Variants in ROBO1 observed in about 807,000 individuals in gnomAD.
The protein encoded by ROBO1 is roundabout homolog 1.
A neutral mutation model predicts 195.9 loss-of-function variants in ROBO1; 149 were observed. The ratio of observed to expected loss-of-function variants is 0.76; its 90% CI spans 0.67 to 0.87. ROBO1 has a LOEUF of 0.87. ROBO1 is among the 40% of genes least tolerant of loss of function. The pLI is 0.00. For synonymous variants in ROBO1, 816 were observed against 733.2 expected, an observed-to-expected ratio of 1.11 and a Z score of -1.82; for missense variants, 1,933 against 2,068.3, an observed-to-expected ratio of 0.93 and a Z score of 1.27.
At position 79,001,095 on chromosome 3, in the gene ROBO1, G is replaced by C. The variant is rs901484082; in HGVS notation, c.173-62168C>G. On this transcript the variant is annotated intron_variant, in intron 3 of 30. Coordinates refer to ENST00000464233, the MANE Select transcript of ROBO1 (RefSeq NM_002941.4). ...ATGAGAACACATGGACACAGGAAGG[G>C]GAACATCACACACCGGGGCCTGTCA... is the stretch of plus-strand genomic sequence containing the variant. Among the ~76,000 whole-genome samples the C allele has an allele frequency of 3.1e-4, 47 of 151,930 alleles. 1 individual carries two copies. The highest frequency in any genetic ancestry group is 1.1e-3 in the African/African-American group (46 of 41,374).
At chr3:79,648,119 C>A (rs1054516019) in intron 1 of ROBO1, among the ~76,000 whole-genome samples, 1 of 151,914 alleles carries the variant, frequency 6.6e-6, no homozygotes, top group African/African-American at 2.4e-5. Context: ...ACTGAGATAC[C>A]CATACATTAT....
chr3:79,465,709 T>A (rs558387636), intron 2 of ROBO1, among the ~76,000 whole-genome samples: 10 of 152,252 alleles, frequency 6.6e-5, no homozygotes, highest in East Asian at 1.9e-4. Context: ...GGTCTTTTTT[T>A]AAAATTATTT....
Position 78,650,384 on chromosome 3 carries a change from T to C in ROBO1, c.2812+1348A>G, listed in dbSNP as rs1025806226. Among the ~76,000 whole-genome samples, 5 of 152,130 alleles carry C rather than the reference T, an allele frequency of 3.3e-5. No homozygotes were observed. In the East Asian group the frequency reaches 5.8e-4, roughly 18 times the overall value. ...GGATGATAATGCTAAAGCAAATGCATGTACATGAAGAGATTGCTGCTGAGC... is the reference window on the plus strand; with the variant it reads ...GGATGATAATGCTAAAGCAAATGCACGTACATGAAGAGATTGCTGCTGAGC... On this transcript the variant is annotated intron_variant, in intron 19 of 30. Transcript: ENST00000464233.
chr3:79,125,087 G>T (rs1329609159), intron 3 of ROBO1, among the ~76,000 whole-genome samples: 2 of 150,338 alleles, frequency 1.3e-5, no homozygotes, highest in African/African-American at 2.4e-5. Context: ...AGATAAATTT[G>T]AATCCAAATT....
chr3:79,408,147 G>A (rs916148575), intron 2 of ROBO1, among the ~76,000 whole-genome samples: 2 of 151,920 alleles, frequency 1.3e-5, no homozygotes, highest in Non-Finnish European at 1.5e-5. Flanking sequence ...GAACCCACGA[G>A]GCCGAGGTTG....
intron 1 of ROBO1, among the ~76,000 whole-genome samples, chr3:79,695,574 G>T (rs939005947): frequency 6.6e-6 from 1 of 151,208 alleles, no homozygotes; most frequent in Non-Finnish European, 1.5e-5. Flanking sequence ...ACTTAAAACC[G>T]AGAACAGAAT....
At chr3:79,676,310 C>T (rs562886416) in intron 1 of ROBO1, among the ~76,000 whole-genome samples, 2 of 152,006 alleles carry the variant, frequency 1.3e-5, no homozygotes, top group Non-Finnish European at 2.9e-5. Flanking sequence ...TTATCTGTCG[C>T]TATGTGCCAC....
chr3:79,309,606 A>G (rs907345762), intron 2 of ROBO1, among the ~76,000 whole-genome samples: 2 of 152,098 alleles, frequency 1.3e-5, no homozygotes, highest in Non-Finnish European at 2.9e-5. Context: ...ACCTGGTCTC[A>G]ATAAAAATAA....
intron 2 of ROBO1, among the ~76,000 whole-genome samples, chr3:79,383,472 G>A (rs1413725062): frequency 3.9e-5 from 6 of 151,984 alleles, no homozygotes; most frequent in African/African-American, 1.2e-4. Context: ...AAATGGACCT[G>A]GAGGTGCAAT....
chr3:79,024,004 C>T (rs1476296436), intron 3 of ROBO1, among the ~76,000 whole-genome samples: 2 of 152,050 alleles, frequency 1.3e-5, no homozygotes, highest in African/African-American at 2.4e-5. Flanking sequence ...GCCACCGCGC[C>T]TGGCCAGGGC....
At chr3:79,350,496 A>T (rs2035299662) in intron 2 of ROBO1, among the ~76,000 whole-genome samples, 1 of 152,252 alleles carries the variant, frequency 6.6e-6, no homozygotes. Flanking sequence ...CAAATGTTCA[A>T]AGTAGCTATA....
At chr3:78,686,479 C>T (rs1254748721) in intron 9 of ROBO1, among the ~76,000 whole-genome samples, 10 of 151,160 alleles carry the variant, frequency 6.6e-5, no homozygotes, top group Admixed American at 2.6e-4. Context: ...GGCGTGAACC[C>T]GGGAGGCGGA....
chr3:79,646,072 A>C (rs143829748), intron 1 of ROBO1, among the ~76,000 whole-genome samples: 1 of 152,134 alleles, frequency 6.6e-6, no homozygotes, highest in Admixed American at 6.6e-5. Flanking sequence ...AAGCAAAGAT[A>C]CACGAATGGC....
At chr3:79,188,789 G>A (rs539503657) in intron 2 of ROBO1, among the ~76,000 whole-genome samples, 1 of 151,792 alleles carries the variant, frequency 6.6e-6, no homozygotes, top group South Asian at 2.1e-4. Context: ...CGTCCATAGT[G>A]GTTTACTCAC....
chr3:79,033,200 G>C (rs2078326131), intron 3 of ROBO1, among the ~76,000 whole-genome samples: 1 of 151,946 alleles, frequency 6.6e-6, no homozygotes, highest in East Asian at 1.9e-4. Flanking sequence ...AATTGTCCAG[G>C]AATTCTGGGG....
intron 2 of ROBO1, among the ~76,000 whole-genome samples, chr3:79,313,359 C>T (rs539195195): frequency 6.6e-6 from 1 of 152,256 alleles, no homozygotes; most frequent in Non-Finnish European, 1.5e-5. Flanking sequence ...AAGCCCCATC[C>T]TATTTCAAAA....
At chr3:78,858,813 C>T (rs184313473) in intron 4 of ROBO1, among the ~76,000 whole-genome samples, 26 of 141,204 alleles carry the variant, frequency 1.8e-4, no homozygotes, top group Admixed American at 7.8e-4. Context: ...AAATAGAAAG[C>T]GGGAGCCTGA....
rs529486367 is a variant in ROBO1, at chr3:79,222,252, T to C, written c.89-96713A>G. Among the ~76,000 whole-genome samples, 4 of 152,226 alleles carry C rather than the reference T, an allele frequency of 2.6e-5. No homozygotes were observed. The South Asian group carries it at 6.2e-4, about 24-fold the overall frequency. On this transcript the variant is annotated intron_variant, in intron 2 of 30. Transcript: ENST00000464233. ...GGAAATATTTCATGTGTGATGTAAA[T>C]GGAAAGAACTCAGTTTTTATCATCA...
At chr3:79,166,249 T>C (rs555999806) in intron 2 of ROBO1, among the ~76,000 whole-genome samples, 1 of 152,284 alleles carries the variant, frequency 6.6e-6, no homozygotes, top group South Asian at 2.1e-4. Context: ...CTATAGCCAA[T>C]TCACTTCTGT....
Sources: gnomAD v4.1 joint callset for allele counts (sites outside exome capture counted in the v4.1 genomes callset) on GRCh38, gnomAD v4.1.1 for gene constraint, MANE v1.5 for transcripts, NCBI Gene and HGNC (gene_info 2026-07-23, HGNC 2026-07-21) for gene names.